Variants in PDE4D observed in about 807,000 individuals in gnomAD.
PDE4D encodes the protein 3',5'-cyclic-AMP phosphodiesterase 4D.
Under a neutral mutation model 87.4 loss-of-function variants are expected in PDE4D, and 24 were observed. The observed-to-expected ratio is 0.27, with a 90% CI of 0.20 to 0.39. PDE4D has a LOEUF of 0.39. Among genes scored for constraint, PDE4D ranks in the 10% least tolerant of loss-of-function variants. PDE4D has a pLI of 1.00. For synonymous variants in PDE4D, 384 were observed against 383.2 expected, an observed-to-expected ratio of 1.00 and a Z score of -0.02; for missense variants, 714 against 1,041.0, an observed-to-expected ratio of 0.69 and a Z score of 4.32.
At chr5:59,304,655 A>G (rs1216551927) in intron 1 of PDE4D, among the ~76,000 whole-genome samples, 2 of 152,146 alleles carry the variant, frequency 1.3e-5, no homozygotes, top group African/African-American at 4.8e-5. Context: ...TGAGATGATC[A>G]TGGAATTTTT....
intron 1 of PDE4D, among the ~76,000 whole-genome samples, chr5:60,485,384 A>G (rs533158831): frequency 1.4e-5 from 2 of 145,974 alleles, no homozygotes; most frequent in Non-Finnish European, 3.0e-5. Context: ...TTTTCCAAAA[A>G]CAAAATTCAC....
At chr5:59,179,789 A>G in intron 5 of PDE4D, 1 of 277,380 alleles carries the variant, frequency 3.6e-6, no homozygotes, top group Non-Finnish European at 7.0e-6. Context: ...TTCTTCTGGT[A>G]ATAATTTTAG....
chr5:60,336,973 G>T (rs1757803603), intron 1 of PDE4D, among the ~76,000 whole-genome samples: 1 of 151,792 alleles, frequency 6.6e-6, no homozygotes, highest in African/African-American at 2.4e-5. Context: ...TTATCTTCCT[G>T]GTGTATAAAA....
At chr5:60,204,866 A>C (rs1199792137) in intron 1 of PDE4D, among the ~76,000 whole-genome samples, 1 of 152,016 alleles carries the variant, frequency 6.6e-6, no homozygotes, top group South Asian at 2.1e-4. Context: ...GACTCAGTTT[A>C]CTCCCCCATA....
intron 5 of PDE4D, among the ~76,000 whole-genome samples, chr5:59,133,354 G>A (rs1776550256): frequency 1.3e-5 from 2 of 152,100 alleles, no homozygotes; most frequent in South Asian, 4.1e-4. Context: ...GTGAAGATAA[G>A]CAAGTTAAGT....
At chr5:59,321,526 T>C (rs1774723116) in intron 1 of PDE4D, among the ~76,000 whole-genome samples, 1 of 152,156 alleles carries the variant, frequency 6.6e-6, no homozygotes, top group Admixed American at 6.6e-5. Flanking sequence ...TTTTCCTTTC[T>C]TTCAAATTAT....
intron 1 of PDE4D, among the ~76,000 whole-genome samples, chr5:59,333,767 T>A (rs1777153763): frequency 6.6e-6 from 1 of 152,148 alleles, no homozygotes; most frequent in Non-Finnish European, 1.5e-5. Context: ...TCTGCTGGAT[T>A]TAAGATTCTT....
intron 6 of PDE4D, among the ~76,000 whole-genome samples, chr5:58,997,538 G>A (rs954749953): frequency 2.6e-5 from 4 of 152,018 alleles, no homozygotes; most frequent in South Asian, 2.1e-4. Context: ...GAAACGAACC[G>A]ATTGTAAAAT....
At chr5:60,313,195 G>GAA (rs915578049) in intron 1 of PDE4D, among the ~76,000 whole-genome samples, 1 of 148,972 alleles carries the variant, frequency 6.7e-6, no homozygotes, top group African/African-American at 2.5e-5. Flanking sequence ...GACAAACAAA[G>GAA]AAAAAAAAAG....
At chr5:59,613,383 G>A (rs1829245497) in intron 1 of PDE4D, among the ~76,000 whole-genome samples, 1 of 152,172 alleles carries the variant, frequency 6.6e-6, no homozygotes, top group Non-Finnish European at 1.5e-5. Context: ...TGACAGGAAG[G>A]CAGTTGAATA....
intron 1 of PDE4D, among the ~76,000 whole-genome samples, chr5:59,230,470 A>G (rs562381769): frequency 6.6e-6 from 1 of 152,320 alleles, no homozygotes; most frequent in South Asian, 2.1e-4. Context: ...ACTAAAAATT[A>G]ATCTCCAAAA....
At chr5:59,502,438 T>A (rs1001894445) in intron 1 of PDE4D, among the ~76,000 whole-genome samples, 4 of 152,094 alleles carry the variant, frequency 2.6e-5, no homozygotes, top group Non-Finnish European at 4.4e-5. Context: ...GCTTTAAACA[T>A]GGTGTCTGAG....
At chr5:60,224,407 C>T (rs748320432) in intron 1 of PDE4D, among the ~76,000 whole-genome samples, 6 of 151,998 alleles carry the variant, frequency 3.9e-5, no homozygotes, top group Non-Finnish European at 4.4e-5. Flanking sequence ...TCATGCCCCA[C>T]GGGTCATATT....
chr5:59,004,869 C>T (rs1434975540), intron 6 of PDE4D, among the ~76,000 whole-genome samples: 1 of 152,206 alleles, frequency 6.6e-6, no homozygotes, highest in Non-Finnish European at 1.5e-5. Flanking sequence ...CTGAAATTTC[C>T]TGAATGTTCC....
intron 2 of PDE4D, among the ~76,000 whole-genome samples, chr5:60,013,603 G>T (rs916976149): frequency 6.6e-6 from 1 of 152,044 alleles, no homozygotes; most frequent in Non-Finnish European, 1.5e-5. Context: ...ACTAGTAAAA[G>T]GTACAAGAAG....
intron 5 of PDE4D, among the ~76,000 whole-genome samples, chr5:59,126,130 A>G (rs1460299428): frequency 3.3e-5 from 5 of 151,292 alleles, no homozygotes; most frequent in Non-Finnish European, 5.9e-5. Context: ...AGAGAGAGAG[A>G]AAGCAAGGAA....
intron 1 of PDE4D, among the ~76,000 whole-genome samples, chr5:60,236,279 T>C (rs904705395): frequency 1.3e-5 from 2 of 151,858 alleles, no homozygotes; most frequent in Non-Finnish European, 2.9e-5. Flanking sequence ...GTTTTGTGAA[T>C]GGCCCCTGCT....
At chr5:59,010,021 C>A (rs1336058854) in intron 6 of PDE4D, among the ~76,000 whole-genome samples, 1 of 152,074 alleles carries the variant, frequency 6.6e-6, no homozygotes, top group African/African-American at 2.4e-5. Context: ...AGTGAATTCC[C>A]AGTTGTGAAA....
intron 1 of PDE4D, among the ~76,000 whole-genome samples, chr5:60,277,762 T>A (rs1436414931): frequency 6.6e-6 from 1 of 152,188 alleles, no homozygotes; most frequent in East Asian, 1.9e-4. Context: ...GTAGCTGCTC[T>A]AGGTATTACA....
Sources: allele counts gnomAD v4.1 joint callset (sites outside exome capture counted in the v4.1 genomes callset), GRCh38; gene constraint gnomAD v4.1.1; transcripts MANE v1.5; gene names NCBI Gene and HGNC (gene_info 2026-07-23, HGNC 2026-07-21).